TMEM63A: variants seen among roughly 807,000 people sequenced by gnomAD.
TMEM63A encodes transmembrane protein 63A.
TMEM63A carries 76 observed loss-of-function variants against 100.6 expected under a neutral mutation model. That is an observed-to-expected ratio of 0.76 (90% CI 0.63 to 0.91). TMEM63A has a LOEUF of 0.91. Ranked by LOEUF, TMEM63A falls within the 40% of genes least tolerant of loss-of-function variation. The pLI is 0.00. For synonymous variants in TMEM63A, 401 were observed against 401.1 expected, an observed-to-expected ratio of 1.00 and a Z score of 0.00; for missense variants, 876 against 1,008.8, an observed-to-expected ratio of 0.87 and a Z score of 1.78.
intron 3 of TMEM63A, 47 bp from the exon 4 acceptor site, chr1:225,874,414 C>G: frequency 6.5e-7 from 1 of 1,545,780 alleles, no homozygotes; most frequent in Non-Finnish European, 8.9e-7. Flanking sequence ...GATGGCTTCT[C>G]ATTAGAAGAC....
At chr1:225,849,878 C>T in intron 21 of TMEM63A, 34 bp downstream of exon 21, 3 of 1,607,170 alleles carry the variant, frequency 1.9e-6, no homozygotes, top group Non-Finnish European at 2.6e-6. Flanking sequence ...GCTGGGAGGC[C>T]AAGGGCTGGC....
rs923677100 is a variant in TMEM63A, at chr1:225,867,785, T to C, written c.514+103A>G. 3 of 1,439,366 alleles carry C rather than the reference T, an allele frequency of 2.1e-6. No individual in the cohort carries two copies. The highest frequency in any genetic ancestry group is 2.8e-6 in the Non-Finnish European group (3 of 1,056,134). 89.2% of individuals were successfully genotyped at this position (1,439,366 alleles called of 1,614,324 possible). A position where few individuals can be genotyped will look rare whatever the true frequency, so the allele number is the denominator to read the frequency against. On this transcript the variant is annotated intron_variant, in intron 7 of 24. Transcript: ENST00000366835. This position sits in a 1 kb window ranked among gnomAD's most constrained non-coding sequence, Gnocchi z 4.6. ...CCCTGAGACCATCTTACATCTGAAG[T>C]GGGGCATGACTCCTGGGGTTCTGGT... is the stretch of plus-strand genomic sequence containing the variant.
intron 20 of TMEM63A, among the ~76,000 whole-genome samples, chr1:225,852,292 C>T (rs1323891877): frequency 6.6e-6 from 1 of 152,194 alleles, no homozygotes; most frequent in African/African-American, 2.4e-5. Flanking sequence ...CAAGACCAGG[C>T]TGGCCAACAT....
downstream of TMEM63A, chr1:225,842,300 C>T: frequency 4.1e-6 from 5 of 1,226,124 alleles, no homozygotes; most frequent in East Asian, 1.2e-4. Flanking sequence ...CCACACATCA[C>T]ACCTGAAGCT....
At chr1:225,860,681 G>A in intron 14 of TMEM63A, 179 bp downstream of exon 14, 1 of 565,122 alleles carries the variant, frequency 1.8e-6, no homozygotes, top group Non-Finnish European at 2.8e-6. Context: ...CTGGAGGGAA[G>A]GGCTGGGCAG....
In TMEM63A at chr1:225,879,958, G is replaced by A. The variant is rs1671007022; in HGVS notation, c.-205-548C>T. ...GGAAAGGGGAGGGTGCTGTGGTGGT[G>A]CTGGGAGTGGCATACCCTCGCCAGT... On this transcript the variant is annotated intron_variant, in intron 1 of 24. Transcript: ENST00000366835. Among the ~76,000 whole-genome samples the A allele has an allele frequency of 2.6e-5, 4 of 151,242 alleles. 1 individual carries two copies. Among genetic ancestry groups the A allele is most frequent in the Admixed American group, 1.3e-4 (2 of 15,076 alleles).
chr1:225,855,250 T>A (rs1348514812), intron 18 of TMEM63A, among the ~76,000 whole-genome samples: 9 of 152,208 alleles, frequency 5.9e-5, no homozygotes, highest in Admixed American at 5.9e-4. Flanking sequence ...ACCAGCTGGA[T>A]AAACTTGGGC....
chr1:225,862,854 G>C lies in TMEM63A; in HGVS notation c.747-3C>G, dbSNP rs1371056718. The stretch of plus-strand genomic sequence containing the variant: ...CCTCACACGTGGGATACGCGTCCCT[G>C]TGGCCAGGGAGAGAAGGAGGCAAAA... On this transcript the variant is annotated splice_polypyrimidine_tract_variant and splice_region_variant and intron_variant, in intron 10 of 24. Transcript: ENST00000366835. The surrounding 1 kb of genome is among the most constrained non-coding windows in gnomAD (Gnocchi z 5.1). 3.7e-6 allele frequency: 6 copies of C among 1,613,594 alleles called. No homozygotes were observed. The African/African-American group carries it at 6.7e-5, about 18-fold the overall frequency.
chr1:225,863,727 G>A (rs1670058646), intron 10 of TMEM63A, among the ~76,000 whole-genome samples: 1 of 151,906 alleles, frequency 6.6e-6, no homozygotes, highest in Non-Finnish European at 1.5e-5. Flanking sequence ...GACCAGCCTG[G>A]CCAATGTGGT....
Position 225,862,670 on chromosome 1 carries a change from GAGA to G in TMEM63A, c.828-95_828-93del, listed in dbSNP as rs1670003954. ...ACAGTTCAACCATCGAACGCCAGGG[GAGA>G]AGGAGGGGTCCAGGGCCTCCCGCCT... On this transcript the variant is annotated intron_variant, in intron 11 of 24. Transcript: ENST00000366835. This position sits in a 1 kb window ranked among gnomAD's most constrained non-coding sequence, Gnocchi z 5.1. 1.9e-6 allele frequency: 3 copies of G among 1,603,282 alleles called. No homozygotes were observed. The highest frequency in any genetic ancestry group is 2.6e-6 in the Non-Finnish European group (3 of 1,173,248).
intron 1 of TMEM63A, among the ~76,000 whole-genome samples, chr1:225,879,746 G>A (rs1670997637): frequency 6.6e-6 from 1 of 152,208 alleles, no homozygotes; most frequent in African/African-American, 2.4e-5. Flanking sequence ...TGGGCTCACG[G>A]TAGGGCCCCA....
At chr1:225,847,539 A>G (rs998544747) in intron 23 of TMEM63A, 34 of 233,626 alleles carry the variant, frequency 1.5e-4, no homozygotes, top group Middle Eastern at 1.4e-3. Flanking sequence ...GTCTACCTAT[A>G]TAGGGGGGCT....
chr1:225,864,386 C>G (rs1670095510), intron 10 of TMEM63A: 1 of 152,198 alleles, frequency 6.6e-6, no homozygotes, highest in South Asian at 2.1e-4. Flanking sequence ...AGGAAGAAAA[C>G]TGCAATTTAA....
intron 2 of TMEM63A, among the ~76,000 whole-genome samples, chr1:225,878,695 T>C (rs567560072): frequency 6.6e-6 from 1 of 152,142 alleles, no homozygotes; most frequent in Non-Finnish European, 1.5e-5. Flanking sequence ...CCAGGGGATT[T>C]TTCTGCTAAG....
At chr1:225,852,355 G>A (rs192666731) in intron 20 of TMEM63A, among the ~76,000 whole-genome samples, 67 of 152,226 alleles carry the variant, frequency 4.4e-4, no homozygotes, top group African/African-American at 1.4e-3. Flanking sequence ...GCATGGTGGC[G>A]GGCACCTGTA....
At chr1:225,866,079 G>A in intron 9 of TMEM63A, 112 bp from the exon 10 acceptor site, 1 of 1,152,560 alleles carries the variant, frequency 8.7e-7, no homozygotes, top group Non-Finnish European at 1.3e-6. Context: ...GAAATCAGAA[G>A]GCTCCAGTTT....
intron 17 of TMEM63A, 23 bp from the exon 18 acceptor site, chr1:225,855,963 A>T: frequency 1.2e-6 from 2 of 1,611,946 alleles, no homozygotes; most frequent in South Asian, 2.2e-5. Context: ...GGAACCCCCT[A>T]AGAGTTTATT....
intron 18 of TMEM63A, among the ~76,000 whole-genome samples, chr1:225,854,427 T>C (rs1221198017): frequency 6.6e-6 from 1 of 151,844 alleles, no homozygotes; most frequent in Admixed American, 6.5e-5. Context: ...TGGTGAGATA[T>C]GAAGGGATTC....
At chr1:225,851,651 A>G (rs887936317) in intron 20 of TMEM63A, among the ~76,000 whole-genome samples, 3 of 152,186 alleles carry the variant, frequency 2.0e-5, no homozygotes, top group Admixed American at 1.3e-4. Flanking sequence ...TTACAGGCAT[A>G]AGCCATCGTG....
Sources: gnomAD v4.1 joint callset for allele counts (sites outside exome capture counted in the v4.1 genomes callset) on GRCh38, gnomAD v4.1.1 for gene constraint, Gnocchi (gnomAD v3.1) non-coding constraint, MANE v1.5 for transcripts, NCBI Gene and HGNC (gene_info 2026-07-23, HGNC 2026-07-21) for gene names.